Variants in FREM1 observed in about 807,000 individuals in gnomAD.
The protein encoded by FREM1 is FRAS1-related extracellular matrix protein 1.
In FREM1, 220 loss-of-function variants were observed where a neutral mutation model predicts 210.1. The ratio of observed to expected loss-of-function variants is 1.05; its 90% CI spans 0.94 to 1.17. The LOEUF is 1.17. FREM1 is among the 50% of genes most tolerant of loss of function. The pLI is 0.00. For missense variants in FREM1, 3,454 were observed against 2,675.5 expected (o/e 1.29, Z -6.42); for synonymous variants, 1,189 against 980.2 (o/e 1.21, Z -3.98).
chr9:14,776,038 A>G lies in FREM1; in HGVS notation c.4608T>C (p.Asp1536=), dbSNP rs1848504936. 1.2e-6 allele frequency: 2 copies of G among 1,614,006 alleles called. No individual in the cohort carries two copies. The highest frequency in any genetic ancestry group is 4.5e-5 in the East Asian group (2 of 44,876). The change falls in exon 25 of 37, where the codon GAT becomes GAC. Residue 1536 remains aspartate, a synonymous_variant. Transcript: ENST00000380880. ...SPDLLQLTDP[D]TPAENLTFLL... ...GGAAGGTGAGGTTCTCCGCAGGTGT[A>G]TCAGGGTCGGTCAGCTGAAGGAGGT...
chr9:14,825,419 AG>A (rs1822158656), intron 10 of FREM1, among the ~76,000 whole-genome samples: 1 of 146,982 alleles, frequency 6.8e-6, no homozygotes, highest in African/African-American at 2.5e-5. Flanking sequence ...ATCCTGGAGG[AG>A]GAGGTTGCAG....
rs745637932 is a variant in FREM1 at position 14,859,423 on chromosome 9, C to G, written c.391G>C (p.Asp131His). 99 of 1,613,758 alleles carry G rather than the reference C, an allele frequency of 6.1e-5. No individual in the cohort carries two copies. Among genetic ancestry groups the G allele is most frequent in the Middle Eastern group, 1.6e-4 (1 of 6,084 alleles). Residue 131 changes from aspartate (D) to histidine (H), a missense_variant, in exon 4 of 37, where the codon GAC (aspartate) becomes CAC (histidine). Asp to His is a moderately conservative substitution (Grantham distance 81). Coordinates refer to ENST00000380880, the MANE Select transcript of FREM1 (RefSeq NM_001379081.2). ...TTACTCATATGGATGATGTTACAGT[C>G]TGGTTCCAGGAGATAGACCCACAGG... ...FILWVYLLEP[D>H]CNIIHMSNNV...
rs146330375 is a variant in FREM1 at position 14,828,889 on chromosome 9, C to T, written c.1882-3897G>A. Among the ~76,000 whole-genome samples, 330 of 152,252 alleles carry T rather than the reference C, an allele frequency of 2.2e-3. 1 individual carries two copies. Among genetic ancestry groups the T allele is most frequent in the Middle Eastern group, 0.01 (3 of 294 alleles). ...ATGGTGTAAACCACATGGAATTTGACGGTACAGTTATAGTCCTGAGTATAC... is the reference window on the plus strand; with the variant it reads ...ATGGTGTAAACCACATGGAATTTGATGGTACAGTTATAGTCCTGAGTATAC... On this transcript the variant is annotated intron_variant, in intron 10 of 36. Coordinates refer to ENST00000380880, the MANE Select transcript of FREM1 (RefSeq NM_001379081.2).
At chr9:14,885,838 C>A (rs751679713) in intron 1 of FREM1, among the ~76,000 whole-genome samples, 1 of 152,182 alleles carries the variant, frequency 6.6e-6, no homozygotes, top group Non-Finnish European at 1.5e-5. Flanking sequence ...CCTTACATAT[C>A]TTCTTTTTAT....
intron 28 of FREM1, 30 bp from the exon 29 acceptor site, chr9:14,756,476 A>T (rs759417906): frequency 2.1e-6 from 3 of 1,454,258 alleles, no homozygotes; most frequent in Non-Finnish European, 2.8e-6. Context: ...TCTTTTTAAG[A>T]TAAAAATAAA....
chr9:14,876,825 C>G lies in FREM1; in HGVS notation c.-267-7581G>C, dbSNP rs574269431. Among the ~76,000 whole-genome samples the G allele has an allele frequency of 6.6e-5, 10 of 152,288 alleles. No individual in the cohort carries two copies. In the East Asian group the frequency reaches 1.9e-3, roughly 30 times the overall value. Reference sequence around the variant, plus strand: ...TGTTCCTATTCAGCCATCTTGGCTGCCTCCCCTTTAATATGGTTGTTGAAC... The same window carrying G: ...TGTTCCTATTCAGCCATCTTGGCTGGCTCCCCTTTAATATGGTTGTTGAAC... On this transcript the variant is annotated intron_variant, in intron 1 of 36. Coordinates refer to ENST00000380880, the MANE Select transcript of FREM1 (RefSeq NM_001379081.2).
chr9:14,806,348 T>C (rs551122894), intron 18 of FREM1, among the ~76,000 whole-genome samples: 1 of 150,494 alleles, frequency 6.6e-6, no homozygotes. Context: ...CTCTGCCTCC[T>C]GGTTTCAAGC....
chr9:14,883,849 A>T (rs7048511), intron 1 of FREM1, among the ~76,000 whole-genome samples: 1 of 152,170 alleles, frequency 6.6e-6, no homozygotes, highest in African/African-American at 2.4e-5. Context: ...GGGCACCCTC[A>T]GGGTCGGCAG....
In FREM1 at chr9:14,747,722, G is replaced by A. The variant is rs1300306533; in HGVS notation, c.5803C>T (p.Pro1935Ser). Reference sequence around the variant, plus strand: ...GTTCCATTTCTATAAACAGAGGATGGACGAACCTGAAATTGACAGAGAACA... The same window carrying A: ...GTTCCATTTCTATAAACAGAGGATGAACGAACCTGAAATTGACAGAGAACA... ...RTRGNGKTVRPSSVYRNGTDI... is the reference protein window; with the variant it reads ...RTRGNGKTVRSSSVYRNGTDI... The change falls in exon 32 of 37, where the codon CCA (proline) becomes TCA (serine). Residue 1935 changes from proline to serine, a missense_variant. Coordinates refer to ENST00000380880, the MANE Select transcript of FREM1 (RefSeq NM_001379081.2). 4.5e-6 allele frequency: 7 copies of A among 1,540,432 alleles called. No individual in the cohort carries two copies. In the South Asian group the frequency reaches 6.1e-5, roughly 13 times the overall value.
At chr9:14,834,512 G>C (rs1824178547) in intron 10 of FREM1, among the ~76,000 whole-genome samples, 1 of 152,120 alleles carries the variant, frequency 6.6e-6, no homozygotes, top group Non-Finnish European at 1.5e-5. Flanking sequence ...ACTAATGCAA[G>C]GGTAAAATTT....
intron 24 of FREM1, among the ~76,000 whole-genome samples, chr9:14,778,807 C>T (rs1849161523): frequency 6.7e-6 from 1 of 149,044 alleles, no homozygotes; most frequent in African/African-American, 2.5e-5. Flanking sequence ...CTCTGGGAGG[C>T]TGGGGTGGGT....
rs1488764902 is a variant in FREM1 at position 14,784,609 on chromosome 9, T to C, written c.4203A>G (p.Pro1401=). 1 of 1,593,670 alleles carries C rather than the reference T, an allele frequency of 6.3e-7. No individual in the cohort carries two copies. Among genetic ancestry groups the C allele is most frequent in the Non-Finnish European group, 8.6e-7 (1 of 1,168,428 alleles). ...EKGDIVILTK[P]LVVSKGDRGF... ...CTCTATCACCTTTAGACACCACGAG[T>C]GGTTTTGTAAGGATGACAATATCAC... Residue 1401 remains proline (P), a synonymous_variant, in exon 24 of 37, where the codon CCA becomes CCG. Coordinates refer to ENST00000380880, the MANE Select transcript of FREM1 (RefSeq NM_001379081.2).
In FREM1 at chr9:14,859,217, A is replaced by T. The variant is rs756646275; in HGVS notation, c.597T>A (p.Arg199=). The T allele has an allele frequency of 6.2e-7, 1 of 1,604,128 alleles. No individual in the cohort carries two copies. The highest frequency in any genetic ancestry group is 1.7e-5 in the Admixed American group (1 of 58,714). Residue 199 remains arginine (R), a synonymous_variant, in exon 4 of 37, where the codon CGT becomes CGA. Transcript: ENST00000380880. ...GGAAAAAACTGTGTGGCTGATCTCC[A>T]CGAGGTTCTTCTGGTCGAGGCTCCC... The part of the protein sequence containing the change: ...VLGEPRPEEP[R]GDQPHSFFPE...
intron 25 of FREM1, among the ~76,000 whole-genome samples, chr9:14,771,192 A>C (rs775432763): frequency 5.9e-5 from 9 of 152,224 alleles, no homozygotes; most frequent in Non-Finnish European, 1.3e-4. Context: ...AATTGACCCA[A>C]GAATTCTAGA....
chr9:14,825,547 G>GTGTGTGTGTGTGTATATATATA, intron 10 of FREM1, among the ~76,000 whole-genome samples: 149 of 75,872 alleles, frequency 2.0e-3, no homozygotes, highest in Non-Finnish European at 3.2e-3. Context: ...GTGTGTGTGT[G>GTGTGTGTGTGTGTATATATATA]TATATATATA....
At chr9:14,803,545 T>C (rs190151418) in intron 19 of FREM1, among the ~76,000 whole-genome samples, 1 of 152,110 alleles carries the variant, frequency 6.6e-6, no homozygotes, top group East Asian at 1.9e-4. Flanking sequence ...TTATTTTTAT[T>C]ATTTGTAGAG....
chr9:14,868,536 T>C (rs868001063), intron 2 of FREM1, among the ~76,000 whole-genome samples: 1 of 152,196 alleles, frequency 6.6e-6, no homozygotes, highest in Non-Finnish European at 1.5e-5. Flanking sequence ...CAAGAATGTT[T>C]AAAAATAGGT....
chr9:14,896,117 A>C (rs1043312422), intron 1 of FREM1, among the ~76,000 whole-genome samples: 1 of 150,152 alleles, frequency 6.7e-6, no homozygotes, highest in Non-Finnish European at 1.5e-5. Flanking sequence ...GAAGCTGGCC[A>C]AAACTCACCA....
chr9:14,835,915 G>A (rs540778818), intron 10 of FREM1, among the ~76,000 whole-genome samples: 122 of 152,204 alleles, frequency 8.0e-4, no homozygotes, highest in African/African-American at 1.6e-3. Flanking sequence ...TTTTGCCTAC[G>A]TTTTAGACGA....
Sources: gnomAD v4.1 joint callset for allele counts (sites outside exome capture counted in the v4.1 genomes callset) on GRCh38, gnomAD v4.1.1 for gene constraint, MANE v1.5 for transcripts, NCBI Gene and HGNC (gene_info 2026-07-23, HGNC 2026-07-21) for gene names.